MAPK1IP1L: variants seen among roughly 807,000 people sequenced by gnomAD.
MAPK1IP1L encodes the protein mitogen-activated protein kinase 1 interacting protein 1 like.
MAPK1IP1L carries 10 observed loss-of-function variants against 18.1 expected under a neutral mutation model. The observed-to-expected ratio is 0.55, with a 90% confidence interval of 0.34 to 0.94. The LOEUF (loss-of-function observed/expected upper bound fraction) is 0.94, where lower values mean the gene tolerates loss of function less well. Among genes scored for constraint, MAPK1IP1L ranks in the 40% least tolerant of loss-of-function variants. MAPK1IP1L has a pLI of 0.02. For synonymous variants in MAPK1IP1L, 115 were observed against 117.3 expected (o/e 0.98, Z 0.13); for missense variants, 260 against 318.2 (o/e 0.82, Z 1.39).
In MAPK1IP1L at chr14:55,066,826, C is replaced by G. The variant is rs558183075; in HGVS notation, c.*2199C>G. 6.6e-5 allele frequency: 10 copies of G among 152,164 alleles called. No individual in the cohort carries two copies. The South Asian group carries it at 1.0e-3, about 16-fold the overall frequency. The allele number at this position is 152,164 out of a possible 1,614,324, so 9.4% of individuals were successfully genotyped here. A position where few individuals can be genotyped will look rare whatever the true frequency, so the allele number is the denominator to read the frequency against. On this transcript the variant is annotated 3_prime_UTR_variant, in exon 4 of 4. Transcript: ENST00000395468. The stretch of plus-strand genomic sequence containing the variant: ...TAATTTTGCTAGTGACCCATACTGT[C>G]CAGTGTGCCCTAAATCATACTGCTA...
intron 1 of MAPK1IP1L, among the ~76,000 whole-genome samples, 185 bp downstream of exon 1, chr14:55,051,988 T>C (rs1452314897): frequency 6.6e-6 from 1 of 152,044 alleles, no homozygotes; most frequent in Non-Finnish European, 1.5e-5. Context: ...GTCGCCTTCC[T>C]CCACGCTGCG....
chr14:55,057,019 T>C (rs2042777534), intron 1 of MAPK1IP1L, among the ~76,000 whole-genome samples: 1 of 152,238 alleles, frequency 6.6e-6, no homozygotes, highest in Non-Finnish European at 1.5e-5. Context: ...AAAAGTCTTT[T>C]GAGGGAATTT....
In MAPK1IP1L at chr14:55,069,492, T is replaced by A. The variant is rs2042889854; in HGVS notation, c.*4865T>A. ...TATTTTTTAAGATAAACTTGTTTGCTTTTGTGTATTATACCTGGAAACTTT... is the reference window on the plus strand; with the variant it reads ...TATTTTTTAAGATAAACTTGTTTGCATTTGTGTATTATACCTGGAAACTTT... On this transcript the variant is annotated 3_prime_UTR_variant, in exon 4 of 4. Coordinates refer to ENST00000395468, the MANE Select transcript of MAPK1IP1L (RefSeq NM_144578.4). 1 of 152,662 alleles carries A rather than the reference T, an allele frequency of 6.6e-6. No individual in the cohort carries two copies. Among genetic ancestry groups the A allele is most frequent in the African/African-American group, 2.4e-5 (1 of 41,456 alleles). 9.5% of individuals were successfully genotyped at this position (152,662 alleles called of 1,614,324 possible). A position where few individuals can be genotyped will look rare whatever the true frequency, so the allele number is the denominator to read the frequency against.
At chr14:55,056,452 T>G (rs1594623286) in intron 1 of MAPK1IP1L, among the ~76,000 whole-genome samples, 1 of 152,278 alleles carries the variant, frequency 6.6e-6, no homozygotes, top group Non-Finnish European at 1.5e-5. Context: ...CCTAAAAATT[T>G]TATTGTGTGA....
chr14:55,058,358 C>T (rs1321381623), intron 1 of MAPK1IP1L, among the ~76,000 whole-genome samples: 1 of 152,046 alleles, frequency 6.6e-6, no homozygotes, highest in African/African-American at 2.4e-5. Context: ...AAACCCTGTC[C>T]CATATATGAA....
intron 1 of MAPK1IP1L, among the ~76,000 whole-genome samples, chr14:55,057,199 A>G (rs955226604): frequency 7.9e-5 from 12 of 152,248 alleles, no homozygotes; most frequent in Admixed American, 2.0e-4. Flanking sequence ...ATCACTCAAC[A>G]TTTCATTATT....
intron 3 of MAPK1IP1L, 115 bp from the exon 4 acceptor site, chr14:55,064,501 A>G: frequency 1.2e-6 from 1 of 821,386 alleles, no homozygotes; most frequent in Non-Finnish European, 2.0e-6. Context: ...AGAGTAAATG[A>G]TGTGACTTGC....
Position 55,065,632 on chromosome 14 carries a change from C to A in MAPK1IP1L, c.*1005C>A, listed in dbSNP as rs908551384. Reference sequence around the variant, plus strand: ...CCCTGATGTGGTAAACTGGCACACTCCAGGGGTCTAAAACATAAAACAGTT... The same window carrying A: ...CCCTGATGTGGTAAACTGGCACACTACAGGGGTCTAAAACATAAAACAGTT... On this transcript the variant is annotated 3_prime_UTR_variant, in exon 4 of 4. Coordinates refer to ENST00000395468, the MANE Select transcript of MAPK1IP1L (RefSeq NM_144578.4). 3.3e-5 allele frequency: 5 copies of A among 152,148 alleles called. No individual in the cohort carries two copies. Among genetic ancestry groups the A allele is most frequent in the African/African-American group, 1.2e-4 (5 of 41,418 alleles). The allele number at this position is 152,148 out of a possible 1,614,324, so 9.4% of individuals were successfully genotyped here. A position where few individuals can be genotyped will look rare whatever the true frequency, so the allele number is the denominator to read the frequency against.
Position 55,062,738 on chromosome 14 carries a change from T to C in MAPK1IP1L, c.139T>C (p.Ser47Pro). The C allele has an allele frequency of 6.2e-7, 1 of 1,614,146 alleles. No individual in the cohort carries two copies. ...CCCTTGGAATAATCCGAGTGCTCCA[T>C]CTTCAGTGCCATCTGGACTCCCACC... Reference protein sequence around the residue: ...SNPWNNPSAPSSVPSGLPPSA... With the variant: ...SNPWNNPSAPPSVPSGLPPSA... Residue 47 changes from serine (S) to proline (P), a missense_variant, in exon 3 of 4, where the codon TCT becomes CCT. Ser to Pro is a moderately conservative substitution (Grantham distance 74, BLOSUM62 -1). Transcript: ENST00000395468.
At position 55,068,536 on chromosome 14, in the gene MAPK1IP1L, GAAATA is replaced by G. The variant is rs2042883045; in HGVS notation, c.*3913_*3917del. The G allele has an allele frequency of 2.6e-5, 4 of 152,552 alleles. 1 individual carries two copies. Among genetic ancestry groups the G allele is most frequent in the African/African-American group, 9.6e-5 (4 of 41,566 alleles). The allele number at this position is 152,552 out of a possible 1,614,324, so 9.4% of individuals were successfully genotyped here. On this transcript the variant is annotated 3_prime_UTR_variant, in exon 4 of 4. Coordinates refer to ENST00000395468, the MANE Select transcript of MAPK1IP1L (RefSeq NM_144578.4). The stretch of plus-strand genomic sequence containing the variant: ...TCAAATGCCAAGGTTAGAAAGCCTG[GAAATA>G]AAACTTAAGCACAGACATTCAAGTT...
intron 2 of MAPK1IP1L, 37 bp downstream of exon 2, chr14:55,061,738 C>T: frequency 2.7e-6 from 4 of 1,508,502 alleles, no homozygotes; most frequent in Non-Finnish European, 3.6e-6. Flanking sequence ...AGTTTTTCAT[C>T]TCTTAAGAAA....
intron 1 of MAPK1IP1L, among the ~76,000 whole-genome samples, chr14:55,054,735 G>A (rs892189024): frequency 1.3e-5 from 2 of 152,104 alleles, no homozygotes; most frequent in African/African-American, 2.4e-5. Context: ...ACAATTTGAA[G>A]GCTGTCTGAA....
intron 1 of MAPK1IP1L, among the ~76,000 whole-genome samples, chr14:55,056,760 C>T (rs925776042): frequency 7.9e-5 from 12 of 152,140 alleles, no homozygotes; most frequent in Admixed American, 5.9e-4. Context: ...CCGCCCTCCT[C>T]GGCCTCCCAA....
At chr14:55,060,149 GAGAAATTTTTTTTTTTTTTTTTTTTT>G (rs2042804558) in intron 1 of MAPK1IP1L, among the ~76,000 whole-genome samples, 1 of 137,590 alleles carries the variant, frequency 7.3e-6, no homozygotes, top group South Asian at 2.4e-4. Flanking sequence ...AGGAATTTTG[GAGAAATTTTTTTTTTTTTTTTTTTTT>G]TTTTTTTTTT....
chr14:55,062,563 G>A (rs975768560), intron 2 of MAPK1IP1L, 55 bp from the exon 3 acceptor site: 12 of 1,390,972 alleles, frequency 8.6e-6, no homozygotes, highest in South Asian at 2.7e-5. Context: ...GTTTATAATG[G>A]TGTTCGATGT....
At chr14:55,054,039 G>C (rs1309549135) in intron 1 of MAPK1IP1L, among the ~76,000 whole-genome samples, 2 of 151,970 alleles carry the variant, frequency 1.3e-5, no homozygotes, top group African/African-American at 4.8e-5. Context: ...CGGCATGGTG[G>C]CACTCAAAAA....
intron 1 of MAPK1IP1L, among the ~76,000 whole-genome samples, chr14:55,056,770 A>G (rs1039440498): frequency 6.6e-6 from 1 of 152,138 alleles, no homozygotes; most frequent in African/African-American, 2.4e-5. Context: ...CGGCCTCCCA[A>G]AGTGCTGGGA....
In MAPK1IP1L at chr14:55,063,328, G is replaced by A. The variant is rs1421165066; in HGVS notation, c.726+3G>A. On this transcript the variant is annotated splice_donor_region_variant and intron_variant, in intron 3 of 3. Transcript: ENST00000395468. Reference sequence around the variant, plus strand: ...CACCAATGCCTGGTGGCCCCCATGTGAGTGTTCAATTTGTTATTTAAAGTG... The same window carrying A: ...CACCAATGCCTGGTGGCCCCCATGTAAGTGTTCAATTTGTTATTTAAAGTG... 3 of 1,598,842 alleles carry A rather than the reference G, an allele frequency of 1.9e-6. No homozygotes were observed. Among genetic ancestry groups the A allele is most frequent in the Middle Eastern group, 1.7e-4 (1 of 5,988 alleles).
intron 1 of MAPK1IP1L, among the ~76,000 whole-genome samples, chr14:55,059,187 T>A (rs1455699366): frequency 9.5e-5 from 11 of 116,400 alleles, no homozygotes; most frequent in Admixed American, 3.7e-4. Context: ...TTTTTTTTTT[T>A]AACGATCTGG....
Sources: gnomAD v4.1 joint callset for allele counts (sites outside exome capture counted in the v4.1 genomes callset) on GRCh38, gnomAD v4.1.1 for gene constraint, MANE v1.5 for transcripts, NCBI Gene and HGNC (gene_info 2026-07-23, HGNC 2026-07-21) for gene names.